The following NPAS3 variants were observed in gnomAD, a reference collection of about 807,000 sequenced individuals.
The protein encoded by NPAS3 is neuronal PAS domain-containing protein 3.
NPAS3 carries 14 observed loss-of-function variants against 73.1 expected under a neutral mutation model. That is an observed-to-expected ratio of 0.19 (90% confidence interval 0.13 to 0.30). The LOEUF (loss-of-function observed/expected upper bound fraction) is 0.30, where lower values mean the gene tolerates loss of function less well. Ranked by LOEUF, NPAS3 falls within the 10% of genes least tolerant of loss-of-function variation. The pLI, the probability that NPAS3 is intolerant of heterozygous loss-of-function variation, is 1.00. For missense variants in NPAS3, 1,096 were observed against 1,250.0 expected, an observed-to-expected ratio of 0.88 and a Z score of 1.86; for synonymous variants, 620 against 541.5, an observed-to-expected ratio of 1.14 and a Z score of -2.01.
chr14:33,316,909 A>C (rs2043229129), intron 3 of NPAS3, among the ~76,000 whole-genome samples: 1 of 152,104 alleles, frequency 6.6e-6, no homozygotes, highest in East Asian at 1.9e-4. Flanking sequence ...ACTGAGCTGT[A>C]ATGTGGTTAT....
intron 4 of NPAS3, among the ~76,000 whole-genome samples, chr14:33,471,774 T>A (rs1010411698): frequency 6.6e-6 from 1 of 152,224 alleles, no homozygotes; most frequent in Non-Finnish European, 1.5e-5. Flanking sequence ...CCCCCGGTAC[T>A]GGTCCGTGAC....
chr14:33,299,882 A>AT (rs1487566457), intron 3 of NPAS3, among the ~76,000 whole-genome samples: 2 of 152,186 alleles, frequency 1.3e-5, no homozygotes, highest in Non-Finnish European at 2.9e-5. Context: ...ATAGAAAGTG[A>AT]TTTTCTAAGC....
At chr14:33,205,153 G>A (rs2046775819) in intron 2 of NPAS3, among the ~76,000 whole-genome samples, 1 of 151,996 alleles carries the variant, frequency 6.6e-6, no homozygotes, top group South Asian at 2.1e-4. Flanking sequence ...ATTCAGATTT[G>A]GATATATATT....
chr14:33,152,486 T>C (rs2044484384), intron 2 of NPAS3, among the ~76,000 whole-genome samples: 1 of 152,118 alleles, frequency 6.6e-6, no homozygotes, highest in African/African-American at 2.4e-5. Flanking sequence ...TCCCATTTCT[T>C]TTTTTCTTCC....
chr14:33,702,622 T>C (rs901089417), intron 6 of NPAS3, among the ~76,000 whole-genome samples: 3 of 152,224 alleles, frequency 2.0e-5, no homozygotes, highest in African/African-American at 7.2e-5. Context: ...ATTCAATGGA[T>C]TGACTCATAA....
chr14:33,234,919 G>T (rs1371895867), intron 3 of NPAS3, among the ~76,000 whole-genome samples: 1 of 152,020 alleles, frequency 6.6e-6, no homozygotes, highest in Non-Finnish European at 1.5e-5. Context: ...CTGACAACTT[G>T]AATAGATACG....
chr14:33,667,200 G>C (rs2059476860), intron 5 of NPAS3, among the ~76,000 whole-genome samples: 1 of 152,136 alleles, frequency 6.6e-6, no homozygotes, highest in Admixed American at 6.5e-5. Context: ...TTACGAATCA[G>C]AGCGGCCACA....
rs1167288303 is a variant in NPAS3 at position 33,717,425 on chromosome 14, A to C, written c.734-17789A>C. On this transcript the variant is annotated intron_variant, in intron 6 of 11. Coordinates refer to ENST00000356141, the Ensembl canonical transcript of NPAS3. The stretch of plus-strand genomic sequence containing the variant: ...AATCCTAACTGTTCAGAGCAGGGTG[A>C]AAGTGAATATTTCAGGGAAGTTCTG... Among the ~76,000 whole-genome samples, 3 of 152,120 alleles carry C rather than the reference A, an allele frequency of 2.0e-5. No individual in the cohort carries two copies. In the East Asian group the frequency reaches 5.8e-4, roughly 29 times the overall value.
At chr14:33,189,048 T>A (rs1309471825) in intron 2 of NPAS3, among the ~76,000 whole-genome samples, 1 of 152,216 alleles carries the variant, frequency 6.6e-6, no homozygotes. Context: ...ATCTGAATTA[T>A]TCACAGTGTT....
At chr14:33,145,262 T>C (rs1004594391) in intron 2 of NPAS3, among the ~76,000 whole-genome samples, 1 of 152,180 alleles carries the variant, frequency 6.6e-6, no homozygotes, top group Non-Finnish European at 1.5e-5. Context: ...TGTCTTTCTT[T>C]TCCAATCCCT....
At chr14:33,602,667 T>G (rs551759855) in intron 5 of NPAS3, among the ~76,000 whole-genome samples, 7 of 152,226 alleles carry the variant, frequency 4.6e-5, no homozygotes, top group South Asian at 4.1e-4. Context: ...TATGGGTTTG[T>G]TGGTGGTGGT....
chr14:33,703,335 T>A (rs985255583), intron 6 of NPAS3, among the ~76,000 whole-genome samples: 1 of 151,900 alleles, frequency 6.6e-6, no homozygotes, highest in Non-Finnish European at 1.5e-5. Flanking sequence ...AAAAAAAAAT[T>A]TTGAAAACAT....
chr14:33,275,205 A>G (rs2041274733), intron 3 of NPAS3, among the ~76,000 whole-genome samples: 1 of 152,192 alleles, frequency 6.6e-6, no homozygotes, highest in African/African-American at 2.4e-5. Flanking sequence ...GACTTGCATG[A>G]ACATATTTTA....
At chr14:33,035,624 C>T (rs2040140681) in intron 1 of NPAS3, among the ~76,000 whole-genome samples, 1 of 152,170 alleles carries the variant, frequency 6.6e-6, no homozygotes, top group Non-Finnish European at 1.5e-5. Context: ...TAGGCAGAAA[C>T]TTGAAATGCT....
chr14:33,602,571 G>A (rs1435998467), intron 5 of NPAS3, among the ~76,000 whole-genome samples: 1 of 152,138 alleles, frequency 6.6e-6, no homozygotes, highest in African/African-American at 2.4e-5. Context: ...GCAGCAGAAG[G>A]GCCCACACCC....
At chr14:33,755,818 A>C (rs7152751) in intron 7 of NPAS3, among the ~76,000 whole-genome samples, 46,205 of 151,946 alleles carry the variant, frequency 0.3, 8,499 homozygotes, top group African/African-American at 0.51. Context: ...CTGGTGAGAC[A>C]TCAGGCTGCT....
chr14:33,672,743 G>A (rs1384367853), intron 5 of NPAS3, among the ~76,000 whole-genome samples: 1 of 151,860 alleles, frequency 6.6e-6, no homozygotes, highest in Non-Finnish European at 1.5e-5. Context: ...TGGGAAAAGT[G>A]GTGGACTGAG....
chr14:33,546,836 G>T (rs530962244), intron 4 of NPAS3, among the ~76,000 whole-genome samples: 1 of 152,328 alleles, frequency 6.6e-6, no homozygotes, highest in South Asian at 2.1e-4. Flanking sequence ...ACTAGCTCAT[G>T]TGAAATTAAG....
At position 33,730,944 on chromosome 14, in the gene NPAS3, TG is replaced by T. The variant is rs1319815995; in HGVS notation, c.734-4269del. On this transcript the variant is annotated intron_variant, in intron 6 of 11. Coordinates refer to ENST00000356141, the Ensembl canonical transcript of NPAS3. ...TTTAGGCAATGATGTGGGAAAAGAA[TG>T]TGTTTAACTTCATGTCTTAACAACC... Among the ~76,000 whole-genome samples, 4 of 152,330 alleles carry T rather than the reference TG, an allele frequency of 2.6e-5. No individual in the cohort carries two copies. The East Asian group carries it at 7.7e-4, about 29-fold the overall frequency.
Sources: allele counts gnomAD v4.1 joint callset (sites outside exome capture counted in the v4.1 genomes callset), GRCh38; gene constraint gnomAD v4.1.1; transcripts MANE v1.5; gene names NCBI Gene and HGNC (gene_info 2026-07-23, HGNC 2026-07-21).